The following RAB10 variants were observed in gnomAD, a reference collection of about 807,000 sequenced individuals.
The protein encoded by RAB10 is RAB10, member RAS oncogene family, also known as ras-related protein Rab-10.
Under a neutral mutation model 25.7 loss-of-function variants are expected in RAB10, and 5 were observed. That is an observed-to-expected ratio of 0.19 (90% confidence interval 0.10 to 0.41). The LOEUF (loss-of-function observed/expected upper bound fraction) is 0.41. Ranked by LOEUF, RAB10 falls within the 10% of genes least tolerant of loss-of-function variation. The probability of loss-of-function intolerance (pLI) is 1.00; values close to 1 mark genes in which losing one functional copy is unlikely to be tolerated. For synonymous variants in RAB10, 89 were observed against 86.4 expected (o/e 1.03, Z -0.16); for missense variants, 103 against 245.8 (o/e 0.42, Z 3.89).
chr2:26,129,189 G>T (rs1235780956), intron 5 of RAB10, among the ~76,000 whole-genome samples: 1 of 148,176 alleles, frequency 6.7e-6, no homozygotes, highest in Admixed American at 6.8e-5. Flanking sequence ...AGAATCCCTT[G>T]AACCAGGGAG....
intron 3 of RAB10, among the ~76,000 whole-genome samples, chr2:26,113,743 T>TAAAAAAA (rs56063928): frequency 8.0e-5 from 10 of 125,598 alleles, no homozygotes; most frequent in Non-Finnish European, 1.0e-4. Flanking sequence ...CAGCCAGAGC[T>TAAAAAAA]AAAAAAAAAA....
intron 3 of RAB10, among the ~76,000 whole-genome samples, chr2:26,122,461 T>C (rs1253348462): frequency 2.0e-5 from 3 of 152,012 alleles, no homozygotes; most frequent in Non-Finnish European, 2.9e-5. Flanking sequence ...ACCCCGTCTC[T>C]ACTGAAAATA....
At chr2:26,035,625 C>G (rs1339914927) in intron 1 of RAB10, among the ~76,000 whole-genome samples, 1 of 152,172 alleles carries the variant, frequency 6.6e-6, no homozygotes, top group African/African-American at 2.4e-5. Context: ...GTGGCATTGA[C>G]GCTAATTGTG....
chr2:26,126,043 A>T (rs1667897661), intron 3 of RAB10, among the ~76,000 whole-genome samples: 2 of 152,138 alleles, frequency 1.3e-5, no homozygotes, highest in Admixed American at 6.5e-5. Flanking sequence ...ATATGGTTTA[A>T]AATAAGGATC....
chr2:26,115,495 C>CAT (rs1334110316), intron 3 of RAB10, among the ~76,000 whole-genome samples: 3 of 152,272 alleles, frequency 2.0e-5, no homozygotes, highest in Non-Finnish European at 2.9e-5. Flanking sequence ...AAAGGCCTTA[C>CAT]ATGATTCCCT....
At chr2:26,034,899 G>T (rs1665730727) in intron 1 of RAB10, among the ~76,000 whole-genome samples, 164 bp downstream of exon 1, 1 of 152,094 alleles carries the variant, frequency 6.6e-6, no homozygotes, top group Admixed American at 6.6e-5. Flanking sequence ...ACTGGGGCGG[G>T]GTCTTCCCAT....
chr2:26,118,403 C>T (rs868104076), intron 3 of RAB10, among the ~76,000 whole-genome samples: 2 of 150,848 alleles, frequency 1.3e-5, no homozygotes, highest in Admixed American at 6.6e-5. Flanking sequence ...CCCAGACCTC[C>T]CGGGCAAATA....
At chr2:26,120,892 C>T (rs548496807) in intron 3 of RAB10, among the ~76,000 whole-genome samples, 33 of 151,162 alleles carry the variant, frequency 2.2e-4, no homozygotes, top group Non-Finnish European at 3.2e-4. Flanking sequence ...ATCCAGCCAG[C>T]GAGTTTCTTT....
At chr2:26,075,156 A>C (rs977454597) in intron 1 of RAB10, among the ~76,000 whole-genome samples, 9 of 152,214 alleles carry the variant, frequency 5.9e-5, no homozygotes, top group East Asian at 1.9e-4. Context: ...AAAGATGCCA[A>C]GGTGAGATAA....
chr2:26,034,081 T>C (rs912842099), upstream of RAB10: 3 of 403,372 alleles, frequency 7.4e-6, no homozygotes, highest in African/African-American at 6.2e-5. Context: ...CGCCCTTGCG[T>C]GCGTCTCAGG....
At chr2:26,090,252 A>G (rs1229560644) in intron 1 of RAB10, among the ~76,000 whole-genome samples, 1 of 152,192 alleles carries the variant, frequency 6.6e-6, no homozygotes, top group Admixed American at 6.5e-5. Context: ...TTGGCTGGAT[A>G]TAGGTTGAAA....
chr2:26,058,008 A>G (rs1666303919), intron 1 of RAB10, among the ~76,000 whole-genome samples: 1 of 152,188 alleles, frequency 6.6e-6, no homozygotes, highest in Non-Finnish European at 1.5e-5. Flanking sequence ...ATTGAATTAA[A>G]TGGAAAGATG....
At chr2:26,052,703 T>A (rs565383668) in intron 1 of RAB10, among the ~76,000 whole-genome samples, 1 of 152,306 alleles carries the variant, frequency 6.6e-6, no homozygotes, top group South Asian at 2.1e-4. Flanking sequence ...GTATTTAATC[T>A]TATTTTTTCA....
At position 26,091,632 on chromosome 2, in the gene RAB10, G is replaced by T. The variant is rs538619995; in HGVS notation, c.128-7030G>T. 2.4e-4 allele frequency among the ~76,000 whole-genome samples: 36 copies of T among 152,256 alleles called. 1 individual carries two copies. Among genetic ancestry groups the T allele is most frequent in the African/African-American group, 7.5e-4 (31 of 41,564 alleles). On this transcript the variant is annotated intron_variant, in intron 1 of 5. Coordinates refer to ENST00000264710, the MANE Select transcript of RAB10 (RefSeq NM_016131.5). ...GGGATATGGAGATAACTAATAAGCA[G>T]TTGGGTATCTTGGATTTGGAGTTCA... is the stretch of plus-strand genomic sequence containing the variant.
chr2:26,092,261 C>CTG lies in RAB10; in HGVS notation c.128-6341_128-6340dup, dbSNP rs56875863. On this transcript the variant is annotated intron_variant, in intron 1 of 5. Transcript: ENST00000264710. ...TGGAGATCATTGATCATAGTGAGAG[C>CTG]TGTGTGTGTGTGTGTGTGTGTGTGT... Among the ~76,000 whole-genome samples the CTG allele has an allele frequency of 3.2e-3, 419 of 130,906 alleles. 2 individuals carry two copies. Among genetic ancestry groups the CTG allele is most frequent in the Non-Finnish European group, 4.3e-3 (269 of 61,866 alleles). 85.9% of individuals were successfully genotyped at this position (130,906 alleles called of 152,430 possible).
chr2:26,063,902 A>T (rs993633970), intron 1 of RAB10, among the ~76,000 whole-genome samples: 3 of 152,140 alleles, frequency 2.0e-5, no homozygotes, highest in African/African-American at 7.2e-5. Context: ...GGTTCAAATG[A>T]GTCTCCTGCT....
intron 5 of RAB10, among the ~76,000 whole-genome samples, chr2:26,130,492 A>G (rs561722733): frequency 6.7e-6 from 1 of 149,748 alleles, no homozygotes; most frequent in Admixed American, 6.7e-5. Flanking sequence ...TTTTTTTTTA[A>G]TTGATGGGGT....
chr2:26,097,297 G>A (rs182600998), intron 1 of RAB10, among the ~76,000 whole-genome samples: 3 of 152,036 alleles, frequency 2.0e-5, no homozygotes, highest in African/African-American at 4.8e-5. Context: ...TTTTTGAGAC[G>A]GAGTCTCACT....
chr2:26,118,206 C>T lies in RAB10; in HGVS notation c.327+8300C>T, dbSNP rs145143161. On this transcript the variant is annotated intron_variant, in intron 3 of 5. Transcript: ENST00000264710. The stretch of plus-strand genomic sequence containing the variant: ...CAGGCCAGTCTCGAACTCCTGACCT[C>T]ATGGTCCGTCGTCCTCAGCCACCCA... Among the ~76,000 whole-genome samples, 224 of 152,244 alleles carry T rather than the reference C, an allele frequency of 1.5e-3. 1 individual carries two copies. The highest frequency in any genetic ancestry group is 5.2e-3 in the African/African-American group (214 of 41,540).
Sources: allele counts gnomAD v4.1 joint callset (sites outside exome capture counted in the v4.1 genomes callset), GRCh38; gene constraint gnomAD v4.1.1; transcripts MANE v1.5; gene names NCBI Gene and HGNC (gene_info 2026-07-23, HGNC 2026-07-21).